PM20D2: variants seen among roughly 807,000 people sequenced by gnomAD.
PM20D2 encodes peptidase M20 domain containing 2, also known as xaa-Arg dipeptidase.
PM20D2 carries 33 observed loss-of-function variants against 42.9 expected under a neutral mutation model. That is an observed-to-expected ratio of 0.77 (90% confidence interval 0.58 to 1.03). The LOEUF is 1.03. PM20D2 is among the 50% of genes least tolerant of loss of function. The pLI is 0.00. For synonymous variants in PM20D2, 250 were observed against 228.2 expected, an observed-to-expected ratio of 1.10 and a Z score of -0.86; for missense variants, 548 against 557.0, an observed-to-expected ratio of 0.98 and a Z score of 0.16.
At chr6:89,126,754 C>T in the PM20D2 span, among the ~76,000 whole-genome samples, 1 of 151,790 alleles carries the variant, frequency 6.6e-6, no homozygotes. Context: ...CATTTGGCAC[C>T]CCTTATGGCC....
rs1771123130 is a variant in PM20D2 at position 89,158,395 on chromosome 6, T to C, written c.983T>C (p.Met328Thr). The change falls in exon 5 of 7, where the codon ATG (methionine) becomes ACG (threonine). Residue 328 changes from methionine to threonine, a missense_variant. Transcript: ENST00000275072. ...LPNKSLWKAY[M>T]ENGRKLGIEF... ...AATAAGAGCCTATGGAAAGCCTATATGGAAAATGGAAGAAAGCTAGGAATA... is the reference window on the plus strand; with the variant it reads ...AATAAGAGCCTATGGAAAGCCTATACGGAAAATGGAAGAAAGCTAGGAATA... 1 of 1,612,752 alleles carries C rather than the reference T, an allele frequency of 6.2e-7. No individual in the cohort carries two copies. The highest frequency in any genetic ancestry group is 8.5e-7 in the Non-Finnish European group (1 of 1,179,496).
Position 89,146,173 on chromosome 6 carries a change from A to G in PM20D2, c.29A>G (p.Glu10Gly). MRPGGERPV[E>G]GGACNGRSEL... ...AGGCCCGGAGGGGAGCGGCCCGTGG[A>G]AGGGGGCGCGTGCAATGGCCGCTCC... Residue 10 changes from glutamate (E) to glycine (G), a missense_variant, in exon 1 of 7, where the codon GAA becomes GGA. Coordinates refer to ENST00000275072, the MANE Select transcript of PM20D2 (RefSeq NM_001010853.3). 6.6e-7 allele frequency: 1 copy of G among 1,525,206 alleles called. No individual in the cohort carries two copies. The highest frequency in any genetic ancestry group is 8.7e-7 in the Non-Finnish European group (1 of 1,143,656). The allele number at this position is 1,525,206 out of a possible 1,614,324, so 94.5% of individuals were successfully genotyped here.
chr6:89,139,225 T>G, the PM20D2 span, among the ~76,000 whole-genome samples: 1 of 123,314 alleles, frequency 8.1e-6, no homozygotes, highest in East Asian at 2.5e-4. Context: ...CATGCCACCA[T>G]GACCAGCTAG....
chr6:89,125,466 C>T, the PM20D2 span, among the ~76,000 whole-genome samples: 2 of 134,462 alleles, frequency 1.5e-5, no homozygotes, highest in East Asian at 2.3e-4. Flanking sequence ...GGTGACAGAG[C>T]GAGACTCCGT....
At position 89,153,151 on chromosome 6, in the gene PM20D2, C is replaced by A. The variant is rs777425382; in HGVS notation, c.723C>A (p.Phe241Leu). The change falls in exon 3 of 7, where the codon TTC becomes TTA. Residue 241 changes from phenylalanine (F) to leucine (L), a missense_variant. This residue lies in a region of PM20D2 where 470 missense variants were observed against 464.4 expected (regional missense o/e 1.01). Transcript: ENST00000275072. Reference sequence around the variant, plus strand: ...TGGCCTATAACAATCTGTCTGTGTTCAGACAGCAAATGAAACCAACCTGGA... The same window carrying A: ...TGGCCTATAACAATCTGTCTGTGTTAAGACAGCAAATGAAACCAACCTGGA... The part of the protein sequence containing the change: ...AVLAYNNLSV[F>L]RQQMKPTWRV... 8.7e-6 allele frequency: 14 copies of A among 1,608,776 alleles called. No individual in the cohort carries two copies. The highest frequency in any genetic ancestry group is 1.1e-5 in the Non-Finnish European group (13 of 1,178,024).
chr6:89,153,063 GA>G lies in PM20D2; in HGVS notation c.639del (p.Ala214HisfsTer12). The G allele has an allele frequency of 6.2e-7, 1 of 1,603,044 alleles. No individual in the cohort carries two copies. Among genetic ancestry groups the G allele is most frequent in the East Asian group, 2.2e-5 (1 of 44,468 alleles). On this transcript the variant is annotated frameshift_variant, in exon 3 of 7. Transcript: ENST00000275072. LOFTEE classifies it high-confidence loss of function. Reference sequence around the variant, plus strand: ...CCTAGTGTGACTGTGAAATACTATGGAAAAGCATCTCATTCTGCTTCTTATC... The same window carrying G: ...CCTAGTGTGACTGTGAAATACTATGGAAAGCATCTCATTCTGCTTCTTATC... ...AEHDVTVKYY[G>X]KASHSASYPW...
the PM20D2 span, among the ~76,000 whole-genome samples, chr6:89,135,764 G>A: frequency 2.6e-5 from 4 of 151,228 alleles, 2 homozygotes; most frequent in African/African-American, 9.9e-5. Flanking sequence ...GCATCATTGA[G>A]TATATTCTTC....
the PM20D2 span, among the ~76,000 whole-genome samples, chr6:89,126,626 C>T: frequency 2.4e-4 from 35 of 148,568 alleles, no homozygotes; most frequent in African/African-American, 7.2e-4. Flanking sequence ...GCTGAGATTG[C>T]GCCACTGCAC....
upstream of PM20D2, among the ~76,000 whole-genome samples, chr6:89,145,774 T>C (rs1472177618): frequency 6.6e-6 from 1 of 152,218 alleles, no homozygotes; most frequent in Non-Finnish European, 1.5e-5. Context: ...CTGATGGCTA[T>C]TAACTAATAA....
chr6:89,146,409 G>T lies in PM20D2; in HGVS notation c.265G>T (p.Ala89Ser). 6.6e-7 allele frequency: 1 copy of T among 1,525,652 alleles called. No individual in the cohort carries two copies. The highest frequency in any genetic ancestry group is 8.7e-7 in the Non-Finnish European group (1 of 1,143,576). 94.5% of individuals were successfully genotyped at this position (1,525,652 alleles called of 1,614,324 possible). The change falls in exon 1 of 7, where the codon GCC becomes TCC. Residue 89 changes from alanine to serine, a missense_variant. Physicochemically the swap from Ala to Ser is moderately conservative, Grantham distance 99 (BLOSUM62 1). This residue lies in a region of PM20D2 where 470 missense variants were observed against 464.4 expected (regional missense o/e 1.01). Transcript: ENST00000275072. ...CTACCAGCTGCCCACGGCCTTCCGCGCCGAGTGGGAGCCGCCGGAGGCCCG... is the reference window on the plus strand; with the variant it reads ...CTACCAGCTGCCCACGGCCTTCCGCTCCGAGTGGGAGCCGCCGGAGGCCCG... ...PHYQLPTAFR[A>S]EWEPPEARAP... is the part of the protein sequence containing the mutation.
the PM20D2 span, among the ~76,000 whole-genome samples, chr6:89,125,563 C>T: frequency 6.6e-6 from 1 of 151,124 alleles, no homozygotes; most frequent in African/African-American, 2.4e-5. Context: ...GGTGGATTAC[C>T]AGAGGTCAAG....
At chr6:89,101,994 C>G in the PM20D2 span, among the ~76,000 whole-genome samples, 2 of 150,442 alleles carry the variant, frequency 1.3e-5, no homozygotes, top group Non-Finnish European at 1.5e-5. Flanking sequence ...TGGTACTTCT[C>G]GGTGAGCTGA....
At chr6:89,151,674 G>A (rs1490134866) in intron 2 of PM20D2, among the ~76,000 whole-genome samples, 1 of 152,050 alleles carries the variant, frequency 6.6e-6, no homozygotes, top group African/African-American at 2.4e-5. Context: ...GTGAAAGAAG[G>A]TTTTCCTCAA....
rs539279036 is a variant in PM20D2 at position 89,165,525 on chromosome 6, A to T, written c.*3262A>T. On this transcript the variant is annotated 3_prime_UTR_variant, in exon 7 of 7. Transcript: ENST00000275072. The stretch of plus-strand genomic sequence containing the variant: ...CTTTTTTGTAATAATAGGTACATAA[A>T]ATGTGTATGAAAAATCTACAATAAA... 1 of 152,336 alleles carries T rather than the reference A, an allele frequency of 6.6e-6. No homozygotes were observed. The highest frequency in any genetic ancestry group is 1.9e-4 in the East Asian group (1 of 5,190). The allele number at this position is 152,336 out of a possible 1,614,324, so 9.4% of individuals were successfully genotyped here.
At chr6:89,138,667 C>G in the PM20D2 span, among the ~76,000 whole-genome samples, 1 of 152,132 alleles carries the variant, frequency 6.6e-6, no homozygotes, top group African/African-American at 2.4e-5. Context: ...GAGGTCGAGA[C>G]TATCCTGGCC....
chr6:89,121,971 C>T, the PM20D2 span, among the ~76,000 whole-genome samples: 5 of 152,090 alleles, frequency 3.3e-5, no homozygotes, highest in South Asian at 2.1e-4. Flanking sequence ...ATTGGAATCA[C>T]GGTTTTATAA....
At chr6:89,100,750 A>G in the PM20D2 span, among the ~76,000 whole-genome samples, 1 of 152,242 alleles carries the variant, frequency 6.6e-6, no homozygotes, top group Non-Finnish European at 1.5e-5. Context: ...AACTAAAAAT[A>G]TATGATATCT....
At chr6:89,096,103 T>C in the PM20D2 span, 1 of 152,226 alleles carries the variant, frequency 6.6e-6, no homozygotes, top group Admixed American at 6.5e-5. Flanking sequence ...AATTTTCACC[T>C]AGTCACAAAA....
At chr6:89,160,988 A>G (rs1222960460) in intron 5 of PM20D2, among the ~76,000 whole-genome samples, 1 of 149,888 alleles carries the variant, frequency 6.7e-6, no homozygotes, top group Non-Finnish European at 1.5e-5. Flanking sequence ...ATGAAGATTG[A>G]AAAAAAAAAG....
Sources: allele counts gnomAD v4.1 joint callset (sites outside exome capture counted in the v4.1 genomes callset), GRCh38; gene constraint gnomAD v4.1.1; regional missense constraint gnomAD v4.1.1; transcripts MANE v1.5; gene names NCBI Gene and HGNC (gene_info 2026-07-23, HGNC 2026-07-21).